The following PTGR3 variants were observed in gnomAD, a reference collection of about 807,000 sequenced individuals.
PTGR3 encodes the protein zinc binding alcohol dehydrogenase domain containing 2.
the PTGR3 span, among the ~76,000 whole-genome samples, chr18:75,204,667 AC>A: frequency 6.6e-6 from 1 of 151,452 alleles, no homozygotes; most frequent in Admixed American, 6.6e-5. Context: ...GGATTCATTG[AC>A]CCCAACTCCC....
At chr18:75,201,584 C>T in the PTGR3 span, 24 of 1,614,054 alleles carry the variant, frequency 1.5e-5, no homozygotes, top group Non-Finnish European at 1.9e-5. Context: ...CGCTCACACA[C>T]ATCTCGAGCA....
At chr18:75,199,790 G>A in the PTGR3 span, 1 of 152,636 alleles carries the variant, frequency 6.6e-6, no homozygotes, top group Admixed American at 6.5e-5. Context: ...TGTCTTTAGT[G>A]CAGTTGTGAC....
At chr18:75,196,277 CAGAT>C in the PTGR3 span, 1 of 152,132 alleles carries the variant, frequency 6.6e-6, no homozygotes, top group Non-Finnish European at 1.5e-5. Context: ...AAGACATCAT[CAGAT>C]AGATAGTGCT....
the PTGR3 span, chr18:75,198,372 T>C: frequency 2.6e-5 from 4 of 152,230 alleles, no homozygotes; most frequent in Non-Finnish European, 5.9e-5. Flanking sequence ...GCACTTTCAT[T>C]AGATAAACAC....
chr18:75,196,023 G>A, the PTGR3 span: 2 of 152,278 alleles, frequency 1.3e-5, no homozygotes, highest in Non-Finnish European at 2.9e-5. Flanking sequence ...CCAGGGTTTC[G>A]GCATCTAGGG....
chr18:75,201,429 T>C, the PTGR3 span: 44 of 1,609,632 alleles, frequency 2.7e-5, no homozygotes, highest in Admixed American at 6.7e-5. Flanking sequence ...CAGCTTACTG[T>C]TGACAGAGTG....
the PTGR3 span, among the ~76,000 whole-genome samples, chr18:75,206,139 G>GT: frequency 6.6e-6 from 1 of 152,174 alleles, no homozygotes; most frequent in Admixed American, 6.5e-5. Context: ...AAACAGTAAG[G>GT]TAAGAACTGG....
At chr18:75,208,494 C>A in the PTGR3 span, 2 of 1,039,656 alleles carry the variant, frequency 1.9e-6, no homozygotes, top group Non-Finnish European at 2.3e-6. Flanking sequence ...ACTGTGGGTG[C>A]GCGCGGGCGG....
chr18:75,203,694 G>A, the PTGR3 span, among the ~76,000 whole-genome samples: 3 of 151,966 alleles, frequency 2.0e-5, no homozygotes, highest in Non-Finnish European at 2.9e-5. Flanking sequence ...GAAGGGGGAA[G>A]ATGAGTTTTG....
chr18:75,204,534 C>A, the PTGR3 span, among the ~76,000 whole-genome samples: 3 of 152,162 alleles, frequency 2.0e-5, no homozygotes, highest in Non-Finnish European at 2.9e-5. Flanking sequence ...GCAGCAGACG[C>A]GCGGGGCCCG....
the PTGR3 span, among the ~76,000 whole-genome samples, chr18:75,207,532 C>A: frequency 1.3e-5 from 2 of 152,162 alleles, no homozygotes; most frequent in African/African-American, 4.8e-5. Context: ...ATGAATCAAT[C>A]CTCTGCTGTG....
chr18:75,199,655 GT>G, the PTGR3 span: 14,814 of 152,094 alleles, frequency 0.097, 1,398 homozygotes, highest in African/African-American at 0.24. Context: ...CACTGGACGG[GT>G]TTTTCCTAGT....
the PTGR3 span, chr18:75,205,376 C>A: frequency 3.1e-5 from 30 of 971,804 alleles, no homozygotes; most frequent in Non-Finnish European, 3.3e-5. Flanking sequence ...CTTGTACCCC[C>A]ACCCCCCCTT....
chr18:75,204,644 C>T, the PTGR3 span, among the ~76,000 whole-genome samples: 4 of 152,166 alleles, frequency 2.6e-5, no homozygotes, highest in African/African-American at 9.6e-5. Context: ...TCCCCACCGC[C>T]ACCACGGAGA....
chr18:75,208,767 G>C, the PTGR3 span: 94 of 1,257,032 alleles, frequency 7.5e-5, no homozygotes, highest in African/African-American at 1.4e-3. Context: ...CACGCGGGCG[G>C]GCTGGGGACT....
the PTGR3 span, chr18:75,196,615 G>T: frequency 7.7e-6 from 1 of 129,144 alleles, no homozygotes; most frequent in Non-Finnish European, 1.6e-5. Flanking sequence ...CTGGGTGACA[G>T]AGCCGAGGTC....
At chr18:75,202,024 CT>C in the PTGR3 span, 1 of 1,614,182 alleles carries the variant, frequency 6.2e-7, no homozygotes, top group Non-Finnish European at 8.5e-7. Context: ...GTCACCAAAA[CT>C]TTTTTCCCTT....
chr18:75,201,722 T>C, the PTGR3 span: 4 of 1,614,228 alleles, frequency 2.5e-6, no homozygotes, highest in East Asian at 4.5e-5. Flanking sequence ...CAGTAGGAGT[T>C]TGGTAGCCAG....
chr18:75,202,569 A>G, the PTGR3 span, among the ~76,000 whole-genome samples: 5 of 151,992 alleles, frequency 3.3e-5, no homozygotes, highest in African/African-American at 9.7e-5. Flanking sequence ...TCCTTTCATC[A>G]GTTTAGAAAT....
Sources: allele counts gnomAD v4.1 joint callset (sites outside exome capture counted in the v4.1 genomes callset), GRCh38; gene constraint gnomAD v4.1.1; transcripts MANE v1.5; gene names NCBI Gene and HGNC (gene_info 2026-07-23, HGNC 2026-07-21).